Variants in PALD1 observed in about 807,000 individuals in gnomAD.
PALD1 encodes the protein phosphatase domain containing paladin 1.
In PALD1, 57 loss-of-function variants were observed where a neutral mutation model predicts 96.0. The observed-to-expected ratio is 0.59, with a 90% confidence interval of 0.48 to 0.74. The LOEUF (loss-of-function observed/expected upper bound fraction) is 0.74. Among genes scored for constraint, PALD1 ranks in the 30% least tolerant of loss-of-function variants. PALD1 has a pLI of 0.00. For synonymous variants in PALD1, 464 were observed against 473.6 expected (o/e 0.98, Z 0.26); for missense variants, 1,063 against 1,143.7 (o/e 0.93, Z 1.02).
intron 9 of PALD1, 97 bp from the exon 10 acceptor site, chr10:70,534,642 T>G (rs918288895): frequency 2.8e-5 from 33 of 1,166,346 alleles, no homozygotes; most frequent in Non-Finnish European, 3.9e-5. Context: ...CCAATCTTTT[T>G]CTTTCCCTCT....
At chr10:70,473,651 ATTT>A in the PALD1 span, among the ~76,000 whole-genome samples, 1 of 149,200 alleles carries the variant, frequency 6.7e-6, no homozygotes, top group African/African-American at 2.5e-5. Flanking sequence ...TTACAGACTA[ATTT>A]TTTTTTTTTT....
chr10:70,508,166 G>GGGCC (rs1160130343), intron 1 of PALD1, among the ~76,000 whole-genome samples: 1 of 152,224 alleles, frequency 6.6e-6, no homozygotes, highest in Non-Finnish European at 1.5e-5. Flanking sequence ...AAAACTGGCT[G>GGGCC]GGCCAGACCA....
At chr10:70,510,695 C>T (rs1846497130) in intron 1 of PALD1, among the ~76,000 whole-genome samples, 1 of 152,200 alleles carries the variant, frequency 6.6e-6, no homozygotes, top group South Asian at 2.1e-4. Context: ...TTCCTTGTCT[C>T]AGAAGGCTCC....
At chr10:70,491,358 A>G (rs1240995651) in intron 1 of PALD1, among the ~76,000 whole-genome samples, 1 of 152,084 alleles carries the variant, frequency 6.6e-6, no homozygotes, top group African/African-American at 2.4e-5. Context: ...TGGGCCTTTG[A>G]ACTGGGCACC....
In PALD1 at chr10:70,533,939, G is replaced by T; in HGVS notation, c.888G>T (p.Leu296=). 6.2e-7 allele frequency: 1 copy of T among 1,603,954 alleles called. No individual in the cohort carries two copies. Among genetic ancestry groups the T allele is most frequent in the Non-Finnish European group, 8.5e-7 (1 of 1,174,356 alleles). Residue 296 remains leucine (L), a synonymous_variant, in exon 8 of 20, where the codon CTG becomes CTT. Coordinates refer to ENST00000263563, the MANE Select transcript of PALD1 (RefSeq NM_014431.3). ...VSVLRETPSL[L]QLRDAHGPPP... Reference sequence around the variant, plus strand: ...TTTCCCAGGAGACCCCCAGCCTGCTGCAGCTCCGTGATGCCCACGGGCCTC... The same window carrying T: ...TTTCCCAGGAGACCCCCAGCCTGCTTCAGCTCCGTGATGCCCACGGGCCTC...
At chr10:70,531,149 T>C in intron 4 of PALD1, 141 bp from the exon 5 acceptor site, 1 of 675,422 alleles carries the variant, frequency 1.5e-6, no homozygotes, top group Non-Finnish European at 2.5e-6. Flanking sequence ...CTTTGTTTCT[T>C]GGGTAGGATT....
chr10:70,517,539 A>G (rs1240051275), intron 1 of PALD1, among the ~76,000 whole-genome samples: 1 of 151,784 alleles, frequency 6.6e-6, no homozygotes, highest in African/African-American at 2.4e-5. Flanking sequence ...ATGGGGTTTT[A>G]CCATGTTGAC....
chr10:70,498,470 G>A (rs61859468), intron 1 of PALD1, among the ~76,000 whole-genome samples: 11,901 of 151,992 alleles, frequency 0.078, 641 homozygotes, highest in East Asian at 0.19. Flanking sequence ...TTTTATCGAG[G>A]TGAGATCTTG....
intron 18 of PALD1, among the ~76,000 whole-genome samples, chr10:70,550,385 G>A (rs1384248423): frequency 1.3e-5 from 2 of 152,128 alleles, no homozygotes; most frequent in Non-Finnish European, 2.9e-5. Context: ...GCCCCACTCT[G>A]GAGCTTCTGA....
At chr10:70,509,083 C>A (rs1043554177) in intron 1 of PALD1, among the ~76,000 whole-genome samples, 2 of 152,178 alleles carry the variant, frequency 1.3e-5, no homozygotes, top group African/African-American at 2.4e-5. Context: ...ATTTTTAGCT[C>A]CATTGTTACT....
intron 1 of PALD1, among the ~76,000 whole-genome samples, chr10:70,479,416 C>G (rs1337107584): frequency 6.6e-6 from 1 of 152,140 alleles, no homozygotes; most frequent in African/African-American, 2.4e-5. Context: ...AGAGGGAAGC[C>G]GCTTCATGAC....
At chr10:70,543,103 A>G (rs559514467) in intron 17 of PALD1, among the ~76,000 whole-genome samples, 4 of 133,188 alleles carry the variant, frequency 3.0e-5, no homozygotes, top group African/African-American at 1.1e-4. Flanking sequence ...CCTGCTGGGT[A>G]TGAAGTGGTA....
chr10:70,517,790 C>T (rs571036034), intron 1 of PALD1, among the ~76,000 whole-genome samples: 62 of 152,240 alleles, frequency 4.1e-4, no homozygotes, highest in African/African-American at 1.3e-3. Context: ...GCAGTTTTCA[C>T]GGGGTTATAC....
intron 17 of PALD1, among the ~76,000 whole-genome samples, chr10:70,542,806 A>C (rs1847278420): frequency 6.6e-6 from 1 of 152,130 alleles, no homozygotes; most frequent in African/African-American, 2.4e-5. Context: ...GAATTGCTGG[A>C]TCCTATCGTA....
In PALD1 at chr10:70,532,644, C is replaced by G. The variant is rs146140803; in HGVS notation, c.657C>G (p.Ser219Arg). Residue 219 changes from serine (S) to arginine (R), a missense_variant, in exon 6 of 20, where the codon AGC (serine) becomes AGG (arginine). Physicochemically the swap from Ser to Arg is moderately radical, Grantham distance 110. Coordinates refer to ENST00000263563, the MANE Select transcript of PALD1 (RefSeq NM_014431.3). Reference protein sequence around the residue: ...RKEIHDFAQLSENTYHVYHNT... With the variant: ...RKEIHDFAQLRENTYHVYHNT... ...AGATCCACGACTTTGCCCAGCTGAG[C>G]GAGAACACATACCATGTGTACCATA... 414 of 1,614,102 alleles carry G rather than the reference C, an allele frequency of 2.6e-4. No individual in the cohort carries two copies. The highest frequency in any genetic ancestry group is 3.2e-4 in the Non-Finnish European group (382 of 1,179,980).
At chr10:70,513,847 G>A (rs2132323622) in intron 1 of PALD1, among the ~76,000 whole-genome samples, 1 of 152,328 alleles carries the variant, frequency 6.6e-6, no homozygotes, top group South Asian at 2.1e-4. Context: ...TAGGGGTGCT[G>A]GAAAAGGTCC....
In PALD1 at chr10:70,566,721, G is replaced by C; in HGVS notation, c.2559G>C (p.Glu853Asp). Residue 853 changes from glutamate (E) to aspartate (D), a missense_variant, in exon 20 of 20, where the codon GAG (glutamate) becomes GAC (aspartate). Transcript: ENST00000263563. ...QSCSLEPSAP[E>D]DLL is the part of the protein sequence containing the mutation. ...GCAGCCTCGAGCCCTCTGCCCCCGA[G>C]GACTTGCTGTAGGGGGCCTTACTCC... The C allele has an allele frequency of 3.1e-6, 5 of 1,597,188 alleles. No individual in the cohort carries two copies. The highest frequency in any genetic ancestry group is 4.3e-6 in the Non-Finnish European group (5 of 1,173,598).
intron 1 of PALD1, among the ~76,000 whole-genome samples, chr10:70,511,963 G>A (rs1005311805): frequency 6.6e-6 from 1 of 152,108 alleles, no homozygotes; most frequent in Non-Finnish European, 1.5e-5. Flanking sequence ...GGAGGCGGAG[G>A]TTGCAGTGAG....
At chr10:70,542,176 C>T (rs571984771) in intron 17 of PALD1, among the ~76,000 whole-genome samples, 4 of 152,358 alleles carry the variant, frequency 2.6e-5, no homozygotes, top group Admixed American at 6.5e-5. Context: ...CCATGCAGCA[C>T]CTCACACTTG....
Sources: gnomAD v4.1 joint callset for allele counts (sites outside exome capture counted in the v4.1 genomes callset) on GRCh38, gnomAD v4.1.1 for gene constraint, MANE v1.5 for transcripts, NCBI Gene and HGNC (gene_info 2026-07-23, HGNC 2026-07-21) for gene names.